Variants in TAFA5 observed in about 807,000 individuals in gnomAD.
The protein encoded by TAFA5 is TAFA chemokine like family member 5, also known as chemokine-like protein TAFA-5.
In TAFA5, 6 loss-of-function variants were observed where a neutral mutation model predicts 15.3. The observed-to-expected ratio is 0.39, with a 90% CI of 0.21 to 0.77. The LOEUF is 0.77. TAFA5 is among the 30% of genes least tolerant of loss of function. The pLI, the probability that TAFA5 is intolerant of heterozygous loss-of-function variation, is 0.41. For missense variants in TAFA5, 161 were observed against 193.1 expected (o/e 0.83, Z 0.98); for synonymous variants, 103 against 80.7 (o/e 1.28, Z -1.48).
chr22:48,654,582 G>A (rs887825385), intron 2 of TAFA5, among the ~76,000 whole-genome samples: 1 of 152,244 alleles, frequency 6.6e-6, no homozygotes, highest in Non-Finnish European at 1.5e-5. Flanking sequence ...CCCATCCCTC[G>A]TCCTGTTGGG....
At chr22:48,630,957 G>C (rs369647883) in intron 1 of TAFA5, among the ~76,000 whole-genome samples, 1 of 152,206 alleles carries the variant, frequency 6.6e-6, no homozygotes, top group Admixed American at 6.5e-5. Context: ...GCAAGGCCCA[G>C]GGTCACCGAG....
At chr22:48,591,244 T>C (rs1924556646) in intron 1 of TAFA5, among the ~76,000 whole-genome samples, 1 of 152,264 alleles carries the variant, frequency 6.6e-6, no homozygotes, top group East Asian at 1.9e-4. Flanking sequence ...TCTTCTTGTC[T>C]CTGGGATGGG....
intron 2 of TAFA5, among the ~76,000 whole-genome samples, chr22:48,649,822 C>G (rs1278328479): frequency 2.6e-5 from 4 of 152,290 alleles, no homozygotes; most frequent in African/African-American, 7.2e-5. Flanking sequence ...CCAGGCCGTC[C>G]TTTCTTCTCA....
chr22:48,652,045 G>T (rs1927073741), intron 2 of TAFA5, among the ~76,000 whole-genome samples: 1 of 152,220 alleles, frequency 6.6e-6, no homozygotes, highest in Admixed American at 6.5e-5. Flanking sequence ...CTAGCAATGT[G>T]GGGTTTAATT....
chr22:48,737,715 T>C lies in TAFA5; in HGVS notation c.391-12124T>C, dbSNP rs748285240. On this transcript the variant is annotated intron_variant, in intron 3 of 3. Transcript: ENST00000402357. ...CCCAAGGCCAGTGCAGCCTCAGGGA[T>C]GGAGATGCCAGCCCTGCTCCCTAGC... 2.6e-5 allele frequency among the ~76,000 whole-genome samples: 4 copies of C among 152,104 alleles called. No homozygotes were observed. In the South Asian group the frequency reaches 6.2e-4, roughly 24 times the overall value.
intron 1 of TAFA5, among the ~76,000 whole-genome samples, chr22:48,584,837 C>T (rs922217707): frequency 1.3e-4 from 19 of 150,148 alleles, no homozygotes; most frequent in African/African-American, 4.7e-4. Context: ...ACGTATACAA[C>T]ACACAGCACA....
At chr22:48,508,575 C>T (rs1921095123) in intron 1 of TAFA5, among the ~76,000 whole-genome samples, 1 of 152,172 alleles carries the variant, frequency 6.6e-6, no homozygotes, top group South Asian at 2.1e-4. Context: ...AGTGGGGACA[C>T]CTGGGTGCCT....
intron 1 of TAFA5, among the ~76,000 whole-genome samples, chr22:48,494,102 C>G (rs1049799851): frequency 6.6e-6 from 1 of 152,206 alleles, no homozygotes; most frequent in African/African-American, 2.4e-5. Context: ...CCCCAGAGTT[C>G]TGAGCTCAGG....
intron 3 of TAFA5, among the ~76,000 whole-genome samples, chr22:48,708,449 C>T (rs1041427325): frequency 6.6e-6 from 1 of 152,182 alleles, no homozygotes; most frequent in Non-Finnish European, 1.5e-5. Context: ...TTCCCAAGGG[C>T]GGGAGCTTGG....
intron 1 of TAFA5, among the ~76,000 whole-genome samples, chr22:48,522,872 ATCG>A (rs1239962698): frequency 6.6e-6 from 1 of 152,188 alleles, no homozygotes; most frequent in Non-Finnish European, 1.5e-5. Context: ...GCTCCAGTAT[ATCG>A]TGGGTCTGCT....
At chr22:48,539,147 C>T (rs1237472419) in intron 1 of TAFA5, 6 of 312,606 alleles carry the variant, frequency 1.9e-5, no homozygotes, top group East Asian at 7.7e-5. Flanking sequence ...GCTGACCTGC[C>T]GAGTAATTGC....
At chr22:48,563,068 G>A (rs1601581549) in intron 1 of TAFA5, among the ~76,000 whole-genome samples, 2 of 152,286 alleles carry the variant, frequency 1.3e-5, no homozygotes, top group Middle Eastern at 6.8e-3. Flanking sequence ...TGACCTTCAA[G>A]AGCCTCGGCC....
chr22:48,693,186 G>A, intron 2 of TAFA5: 1 of 1,033,978 alleles, frequency 9.7e-7, no homozygotes, highest in African/African-American at 1.6e-5. Flanking sequence ...TGTCTGCCTG[G>A]AGGGGCCTCA....
intron 1 of TAFA5, among the ~76,000 whole-genome samples, chr22:48,631,434 G>A (rs1247118937): frequency 2.0e-5 from 3 of 152,166 alleles, no homozygotes; most frequent in East Asian, 1.9e-4. Context: ...CTGGTGCCCC[G>A]GCACCGGTGC....
At chr22:48,534,067 A>G (rs1922062957) in intron 1 of TAFA5, among the ~76,000 whole-genome samples, 2 of 152,122 alleles carry the variant, frequency 1.3e-5, no homozygotes, top group South Asian at 4.1e-4. Flanking sequence ...GTCTCCTTCC[A>G]TTGCTACCCT....
Position 48,641,610 on chromosome 22 carries a change from C to T in TAFA5, c.113-4987C>T, listed in dbSNP as rs565609545. On this transcript the variant is annotated intron_variant, in intron 1 of 3. Coordinates refer to ENST00000402357, the MANE Select transcript of TAFA5 (RefSeq NM_001082967.3). Reference sequence around the variant, plus strand: ...CCCTCCACCCCACACGCCCTCCGCTCGCACACAACACCCTCCCTTCCCCCC... The same window carrying T: ...CCCTCCACCCCACACGCCCTCCGCTTGCACACAACACCCTCCCTTCCCCCC... Among the ~76,000 whole-genome samples the T allele has an allele frequency of 1.0e-4, 15 of 147,240 alleles. No homozygotes were observed. In the East Asian group the frequency reaches 2.3e-3, roughly 23 times the overall value.
chr22:48,731,427 A>C (rs1232661536), intron 3 of TAFA5, among the ~76,000 whole-genome samples: 2 of 152,224 alleles, frequency 1.3e-5, no homozygotes, highest in African/African-American at 4.8e-5. Context: ...CTATTGCAAG[A>C]AGACGCCCAC....
At chr22:48,525,211 G>T (rs187992087) in intron 1 of TAFA5, among the ~76,000 whole-genome samples, 68 of 152,294 alleles carry the variant, frequency 4.5e-4, no homozygotes, top group Admixed American at 2.9e-3. Context: ...CCCATTCACA[G>T]GCTCCAGAGA....
intron 2 of TAFA5, among the ~76,000 whole-genome samples, chr22:48,666,760 G>T (rs1927630853): frequency 6.6e-6 from 1 of 152,206 alleles, no homozygotes; most frequent in Non-Finnish European, 1.5e-5. Flanking sequence ...AGCTCCTGGG[G>T]ATGGTGACAT....
Sources: gnomAD v4.1 joint callset for allele counts (sites outside exome capture counted in the v4.1 genomes callset) on GRCh38, gnomAD v4.1.1 for gene constraint, MANE v1.5 for transcripts, NCBI Gene and HGNC (gene_info 2026-07-23, HGNC 2026-07-21) for gene names.